The following SNX1 variants were observed in gnomAD, a reference collection of about 807,000 sequenced individuals.
SNX1 encodes the protein sorting nexin 1.
SNX1 carries 36 observed loss-of-function variants against 71.8 expected under a neutral mutation model. The ratio of observed to expected loss-of-function variants is 0.50; its 90% CI spans 0.38 to 0.66. The LOEUF (loss-of-function observed/expected upper bound fraction) is 0.66. Ranked by LOEUF, SNX1 falls within the 30% of genes least tolerant of loss-of-function variation. The probability of loss-of-function intolerance (pLI) is 0.00; values close to 1 mark genes in which losing one functional copy is unlikely to be tolerated. For missense variants in SNX1, 612 were observed against 646.7 expected, an observed-to-expected ratio of 0.95 and a Z score of 0.58; for synonymous variants, 254 against 240.7, an observed-to-expected ratio of 1.06 and a Z score of -0.51.
chr15:64,130,862 C>T lies in SNX1; in HGVS notation c.1015+541C>T, dbSNP rs574867350. On this transcript the variant is annotated intron_variant, in intron 10 of 14. Coordinates refer to ENST00000559844, the MANE Select transcript of SNX1 (RefSeq NM_003099.5). ...TAAGGGTTGGCAAAGTATAATCTGGCCCATGGGCCAAATCTGACCCTGGTT... is the reference window on the plus strand; with the variant it reads ...TAAGGGTTGGCAAAGTATAATCTGGTCCATGGGCCAAATCTGACCCTGGTT... Among the ~76,000 whole-genome samples, 12 of 152,338 alleles carry T rather than the reference C, an allele frequency of 7.9e-5. No individual in the cohort carries two copies. In the South Asian group the frequency reaches 2.5e-3, roughly 32 times the overall value.
intron 1 of SNX1, among the ~76,000 whole-genome samples, chr15:64,104,584 C>T (rs554077189): frequency 1.8e-4 from 27 of 151,234 alleles, no homozygotes; most frequent in African/African-American, 6.0e-4. Flanking sequence ...AGGGAGAAGA[C>T]TTTTAAAGAT....
At chr15:64,106,369 C>T (rs2081022084) in intron 1 of SNX1, among the ~76,000 whole-genome samples, 1 of 152,174 alleles carries the variant, frequency 6.6e-6, no homozygotes. Flanking sequence ...TAGGTACACC[C>T]TATTCTGAAA....
intron 12 of SNX1, among the ~76,000 whole-genome samples, chr15:64,135,335 T>G (rs1459286304): frequency 1.3e-5 from 2 of 150,566 alleles, no homozygotes; most frequent in African/African-American, 4.9e-5. Context: ...CTCCTGACCT[T>G]GTGATCCACC....
intron 4 of SNX1, 86 bp from the exon 5 acceptor site, chr15:64,123,417 G>T: frequency 8.7e-7 from 1 of 1,153,506 alleles, no homozygotes; most frequent in Non-Finnish European, 1.3e-6. Context: ...GGTTCCTATG[G>T]CTTTTATGAT....
chr15:64,134,055 T>C lies in SNX1; in HGVS notation c.1222-609T>C, dbSNP rs2081333343. On this transcript the variant is annotated intron_variant, in intron 11 of 14. Transcript: ENST00000559844. The surrounding 1 kb of genome is among the most constrained non-coding windows in gnomAD (Gnocchi z 4.1). The stretch of plus-strand genomic sequence containing the variant: ...TGGTTTTAGGTGTTGATTTAAAGAT[T>C]TGTTAAGCTAACCTTGTGCATTATT... 1 of 152,230 alleles carries C rather than the reference T, an allele frequency of 6.6e-6. No homozygotes were observed. Among genetic ancestry groups the C allele is most frequent in the South Asian group, 2.1e-4 (1 of 4,840 alleles). 9.4% of individuals were successfully genotyped at this position (152,230 alleles called of 1,614,324 possible).
intron 1 of SNX1, among the ~76,000 whole-genome samples, chr15:64,112,277 C>T (rs1297779361): frequency 6.6e-6 from 1 of 152,198 alleles, no homozygotes; most frequent in Non-Finnish European, 1.5e-5. Flanking sequence ...AAGAGAAATA[C>T]ATTTGGACAT....
chr15:64,120,684 A>G (rs1181441281), intron 4 of SNX1, among the ~76,000 whole-genome samples: 2 of 152,092 alleles, frequency 1.3e-5, no homozygotes, highest in Admixed American at 6.5e-5. Context: ...CTACAAAAAA[A>G]TAAAAAATTA....
At position 64,129,920 on chromosome 15, in the gene SNX1, C is replaced by T; in HGVS notation, c.812C>T (p.Pro271Leu). Residue 271 changes from proline to leucine, a missense_variant, in exon 9 of 15, where the codon CCA becomes CTA. Around this residue, in one of 2 missense-constraint regions of SNX1, gnomAD observed 296 missense variants for 361.9 expected, o/e 0.82. Transcript: ENST00000559844. This position sits in a 1 kb window ranked among gnomAD's most constrained non-coding sequence, Gnocchi z 4.4. Reference protein sequence around the residue: ...VREFLEKEELPRAVGTQTLSG... With the variant: ...VREFLEKEELLRAVGTQTLSG... ...CCTGCCTTCTTGGTCTTGTAGCTGC[C>T]ACGTGCCGTGGGTACCCAGACATTG... The T allele has an allele frequency of 6.2e-7, 1 of 1,613,450 alleles. No individual in the cohort carries two copies. Among genetic ancestry groups the T allele is most frequent in the Non-Finnish European group, 8.5e-7 (1 of 1,179,476 alleles).
In SNX1 at chr15:64,134,920, C is replaced by A; in HGVS notation, c.1365+113C>A. 7.3e-7 allele frequency: 1 copy of A among 1,378,774 alleles called. No homozygotes were observed. Among genetic ancestry groups the A allele is most frequent in the Non-Finnish European group, 9.8e-7 (1 of 1,019,412 alleles). The allele number at this position is 1,378,774 out of a possible 1,614,324, so 85.4% of individuals were successfully genotyped here. A position where few individuals can be genotyped will look rare whatever the true frequency, so the allele number is the denominator to read the frequency against. ...ACAGGGGGAAGAGCGCTGATTGAGT[C>A]TAAAGGGCCGTGGCTGCTGAGGAAG... On this transcript the variant is annotated intron_variant, in intron 12 of 14. Coordinates refer to ENST00000559844, the MANE Select transcript of SNX1 (RefSeq NM_003099.5). This position sits in a 1 kb window ranked among gnomAD's most constrained non-coding sequence, Gnocchi z 4.1.
At chr15:64,120,726 ACGTACTTGGGAGGCCGAGGTGGGAGGAT>A (rs921929550) in intron 4 of SNX1, among the ~76,000 whole-genome samples, 1 of 152,116 alleles carries the variant, frequency 6.6e-6, no homozygotes, top group African/African-American at 2.4e-5. Flanking sequence ...CTGTAGTCCC[ACGTACTTGGGAGGCCGAGGTGGGAGGAT>A]CATTTGAGCC....
intron 1 of SNX1, among the ~76,000 whole-genome samples, chr15:64,109,889 C>A (rs76970800): frequency 0.01 from 1,536 of 152,286 alleles, 24 homozygotes; most frequent in African/African-American, 0.035. Flanking sequence ...CACTCTTACA[C>A]ACTTCTGGGG....
At position 64,142,622 on chromosome 15, in the gene SNX1, T is replaced by TGA. The variant is rs753743619; in HGVS notation, c.*5007_*5008dup. 9 of 455,766 alleles carry TGA rather than the reference T, an allele frequency of 2.0e-5. No homozygotes were observed. Among genetic ancestry groups the TGA allele is most frequent in the African/African-American group, 4.0e-5 (2 of 50,040 alleles). The allele number at this position is 455,766 out of a possible 1,614,324, so 28.2% of individuals were successfully genotyped here. On this transcript the variant is annotated 3_prime_UTR_variant, in exon 15 of 15. Coordinates refer to ENST00000559844, the MANE Select transcript of SNX1 (RefSeq NM_003099.5). ...TTCATGCTTGATAATTAAAATTTTCTGAGATAGGAATGTCATATTTACCTA... is the reference window on the plus strand; with the variant it reads ...TTCATGCTTGATAATTAAAATTTTCTGAGAGATAGGAATGTCATATTTACCTA...
rs539374074 is a variant in SNX1, at chr15:64,104,397, C to T, written c.160-8176C>T. Reference sequence around the variant, plus strand: ...ATGCCATTCTCCTGCCTCAGCCTCCCGAGTAGCTGGGACTACAGGCGCCCG... The same window carrying T: ...ATGCCATTCTCCTGCCTCAGCCTCCTGAGTAGCTGGGACTACAGGCGCCCG... On this transcript the variant is annotated intron_variant, in intron 1 of 14. Transcript: ENST00000559844. Among the ~76,000 whole-genome samples the T allele has an allele frequency of 1.8e-3, 266 of 151,608 alleles. 1 individual carries two copies. Among genetic ancestry groups the T allele is most frequent in the African/African-American group, 6.2e-3 (257 of 41,392 alleles).
rs1596007153 is a variant in SNX1 at position 64,134,472 on chromosome 15, G to A, written c.1222-192G>A. ...GCAGCATGGCACTGGCCTTCTGGAA[G>A]CTTGGAGAGGAGTCTTACCCAAGCT... On this transcript the variant is annotated intron_variant, in intron 11 of 14. Transcript: ENST00000559844. The surrounding 1 kb of genome is among the most constrained non-coding windows in gnomAD (Gnocchi z 4.1). The A allele has an allele frequency of 1.6e-6, 1 of 613,852 alleles. No homozygotes were observed. The highest frequency in any genetic ancestry group is 2.9e-5 in the East Asian group (1 of 34,652). 38.0% of individuals were successfully genotyped at this position (613,852 alleles called of 1,614,324 possible).
At chr15:64,110,048 TGTCC>T (rs1567320009) in intron 1 of SNX1, among the ~76,000 whole-genome samples, 1 of 152,208 alleles carries the variant, frequency 6.6e-6, no homozygotes, top group Non-Finnish European at 1.5e-5. Flanking sequence ...ACCTGGAAAC[TGTCC>T]AGCATTAGGG....
Position 64,137,730 on chromosome 15 carries a change from T to A in SNX1, c.*112T>A. ...TCCTGCCTAGGCTGGACTTAACCCC[T>A]TCCTCCCTGTCCCCACGACCAACTG... On this transcript the variant is annotated 3_prime_UTR_variant, in exon 15 of 15. Transcript: ENST00000559844. 1 of 1,552,732 alleles carries A rather than the reference T, an allele frequency of 6.4e-7. No homozygotes were observed. Among genetic ancestry groups the A allele is most frequent in the Non-Finnish European group, 8.7e-7 (1 of 1,143,952 alleles).
At position 64,118,820 on chromosome 15, in the gene SNX1, T is replaced by C; in HGVS notation, c.432T>C (p.Asp144=). Reference sequence around the variant, plus strand: ...AAGAAGAACAGGAGGATCAATTTGATTTGACAGTCGGTATAACTGATCCTG... The same window carrying C: ...AAGAAGAACAGGAGGATCAATTTGACTTGACAGTCGGTATAACTGATCCTG... ...LEEEEQEDQF[D]LTVGITDPEK... Residue 144 remains aspartate (D), a synonymous_variant, in exon 4 of 15, where the codon GAT becomes GAC. Transcript: ENST00000559844. 2 of 1,613,742 alleles carry C rather than the reference T, an allele frequency of 1.2e-6. No individual in the cohort carries two copies.
At position 64,131,696 on chromosome 15, in the gene SNX1, T is replaced by G. The variant is rs775668590; in HGVS notation, c.1025T>G (p.Leu342Arg). Residue 342 changes from leucine to arginine, a missense_variant, in exon 11 of 15, where the codon CTG (leucine) becomes CGG (arginine). This residue lies in a region of SNX1 where 296 missense variants were observed against 361.9 expected (regional missense o/e 0.82). Transcript: ENST00000559844. ...TLVNHRKELA[L>R]NTAQFAKSLA... ...CTTTTCCTCCTTCCAGAGCTAGCGC[T>G]GAACACAGCCCAGTTTGCAAAGAGT... The G allele has an allele frequency of 9.8e-5, 158 of 1,613,946 alleles. 1 individual carries two copies. Among genetic ancestry groups the G allele is most frequent in the Non-Finnish European group, 1.3e-4 (148 of 1,180,044 alleles).
chr15:64,133,727 C>T (rs902274879), intron 11 of SNX1, among the ~76,000 whole-genome samples: 2 of 152,196 alleles, frequency 1.3e-5, no homozygotes, highest in Non-Finnish European at 2.9e-5. Context: ...AAGAGTGAAA[C>T]TCCGTCTAAA....
Sources: gnomAD v4.1 joint callset for allele counts (sites outside exome capture counted in the v4.1 genomes callset) on GRCh38, gnomAD v4.1.1 for gene constraint, gnomAD v4.1.1 regional missense constraint, Gnocchi (gnomAD v3.1) non-coding constraint, MANE v1.5 for transcripts, NCBI Gene and HGNC (gene_info 2026-07-23, HGNC 2026-07-21) for gene names.